The following SHANK2 variants were observed in gnomAD, a reference collection of about 807,000 sequenced individuals.
SHANK2 encodes SH3 and multiple ankyrin repeat domains protein 2.
A neutral mutation model predicts 133.7 loss-of-function variants in SHANK2; 43 were observed. The observed-to-expected ratio is 0.32, with a 90% confidence interval of 0.25 to 0.41. The LOEUF (loss-of-function observed/expected upper bound fraction) is 0.41, where lower values mean the gene tolerates loss of function less well. Among genes scored for constraint, SHANK2 ranks in the 10% least tolerant of loss-of-function variants. The pLI is 1.00. For missense variants in SHANK2, 1,994 were observed against 2,235.8 expected, an observed-to-expected ratio of 0.89 and a Z score of 2.18; for synonymous variants, 1,017 against 952.8, an observed-to-expected ratio of 1.07 and a Z score of -1.24.
At chr11:71,184,467 T>G (rs1590998169) in intron 2 of SHANK2, among the ~76,000 whole-genome samples, 1 of 152,072 alleles carries the variant, frequency 6.6e-6, no homozygotes, top group South Asian at 2.1e-4. Context: ...CGGGGCTGGG[T>G]TCACTGATGG....
chr11:70,884,730 C>CT (rs1565382829), intron 11 of SHANK2, among the ~76,000 whole-genome samples: 1 of 152,100 alleles, frequency 6.6e-6, no homozygotes, highest in African/African-American at 2.4e-5. Flanking sequence ...TCTTTTCTTT[C>CT]TTTTTTTGAG....
intron 14 of SHANK2, among the ~76,000 whole-genome samples, chr11:70,722,845 T>A (rs1011802252): frequency 6.6e-6 from 1 of 152,234 alleles, no homozygotes; most frequent in Non-Finnish European, 1.5e-5. Context: ...TTACGACTTA[T>A]GAGAAGTGGC....
At chr11:71,147,371 G>C in intron 2 of SHANK2, 33 bp from the exon 3 acceptor site, 1 of 1,510,608 alleles carries the variant, frequency 6.6e-7, no homozygotes, top group Middle Eastern at 1.7e-4. Context: ...ACAAAGAACG[G>C]GAGATGTGAA....
At chr11:70,760,082 T>C (rs1181741903) in intron 14 of SHANK2, among the ~76,000 whole-genome samples, 1 of 152,204 alleles carries the variant, frequency 6.6e-6, no homozygotes, top group Non-Finnish European at 1.5e-5. Flanking sequence ...CCTTTTGACA[T>C]ACAGAGCCTG....
At chr11:70,911,798 G>C (rs1367627844) in intron 10 of SHANK2, among the ~76,000 whole-genome samples, 3 of 152,066 alleles carry the variant, frequency 2.0e-5, no homozygotes, top group East Asian at 3.9e-4. Context: ...GAACTGGTCA[G>C]TGGCCAGGCG....
At chr11:71,062,362 C>A (rs1386039215) in intron 9 of SHANK2, among the ~76,000 whole-genome samples, 1 of 152,172 alleles carries the variant, frequency 6.6e-6, no homozygotes, top group East Asian at 1.9e-4. Flanking sequence ...GACCACAGGG[C>A]CAGGAGAATG....
chr11:71,166,487 C>CT (rs1436197363), intron 2 of SHANK2, among the ~76,000 whole-genome samples: 23 of 139,268 alleles, frequency 1.7e-4, no homozygotes, highest in East Asian at 6.4e-4. Flanking sequence ...TTTTTCTTTT[C>CT]TTTTTTTTTT....
At chr11:70,654,958 G>A (rs941150029) in intron 17 of SHANK2, among the ~76,000 whole-genome samples, 1 of 151,872 alleles carries the variant, frequency 6.6e-6, no homozygotes, top group African/African-American at 2.4e-5. Context: ...TAGTAGAGAC[G>A]GGGTTTCATC....
At chr11:70,552,833 G>A (rs962593484) in intron 17 of SHANK2, among the ~76,000 whole-genome samples, 2 of 152,088 alleles carry the variant, frequency 1.3e-5, no homozygotes, top group African/African-American at 4.8e-5. Context: ...ACCCAGTTCC[G>A]GAAGCCTCTA....
chr11:70,470,976 C>A lies in SHANK2; in HGVS notation c.*1893G>T. 3.8e-6 allele frequency: 1 copy of A among 263,770 alleles called. No homozygotes were observed. Among genetic ancestry groups the A allele is most frequent in the Non-Finnish European group, 7.1e-6 (1 of 141,716 alleles). The allele number at this position is 263,770 out of a possible 1,614,324, so 16.3% of individuals were successfully genotyped here. On this transcript the variant is annotated 3_prime_UTR_variant, in exon 26 of 26. Coordinates refer to ENST00000601538, the MANE Select transcript of SHANK2 (RefSeq NM_012309.5). ...AGCAAAGATAGAAAATATAACACAG[C>A]TCTGCTGGTTCAGATGCATCCAAAT...
chr11:70,578,502 C>T (rs1399107972), intron 17 of SHANK2, among the ~76,000 whole-genome samples: 6 of 152,194 alleles, frequency 3.9e-5, no homozygotes, highest in African/African-American at 1.2e-4. Flanking sequence ...CCCAAGAGCT[C>T]GTGGCCACGA....
At chr11:70,586,018 G>A (rs905837244) in intron 17 of SHANK2, among the ~76,000 whole-genome samples, 1 of 152,132 alleles carries the variant, frequency 6.6e-6, no homozygotes, top group Non-Finnish European at 1.5e-5. Flanking sequence ...GAAAAAGACC[G>A]ATTCAACCCT....
At chr11:70,949,532 A>G (rs532632118) in intron 10 of SHANK2, among the ~76,000 whole-genome samples, 1 of 152,226 alleles carries the variant, frequency 6.6e-6, no homozygotes, top group African/African-American at 2.4e-5. Flanking sequence ...GGCACCAGCC[A>G]TGTTTCTTCA....
At chr11:70,722,382 G>C (rs549902849) in intron 14 of SHANK2, among the ~76,000 whole-genome samples, 1 of 152,298 alleles carries the variant, frequency 6.6e-6, no homozygotes, top group South Asian at 2.1e-4. Context: ...GGACATGAAG[G>C]CTTCCTGCAG....
At chr11:70,711,671 G>A (rs984327134) in intron 14 of SHANK2, among the ~76,000 whole-genome samples, 17 of 152,234 alleles carry the variant, frequency 1.1e-4, no homozygotes, top group African/African-American at 3.6e-4. Flanking sequence ...CCACCGCGAG[G>A]GGGACAGAAG....
In SHANK2 at chr11:71,236,106, T is replaced by C. The variant is rs184150496; in HGVS notation, c.-112-11310A>G. Among the ~76,000 whole-genome samples the C allele has an allele frequency of 1.6e-3, 246 of 152,264 alleles. 2 individuals carry two copies. Among genetic ancestry groups the C allele is most frequent in the African/African-American group, 5.7e-3 (237 of 41,544 alleles). ...GTTTGTTTCAAAGGCAGGACCGGACTGAGGGTGATGTTGCTCGGGACCCGT... is the reference window on the plus strand; with the variant it reads ...GTTTGTTTCAAAGGCAGGACCGGACCGAGGGTGATGTTGCTCGGGACCCGT... On this transcript the variant is annotated intron_variant, in intron 1 of 25. Transcript: ENST00000601538.
intron 17 of SHANK2, among the ~76,000 whole-genome samples, chr11:70,648,129 G>C (rs61886379): frequency 0.054 from 8,237 of 152,278 alleles, 316 homozygotes; most frequent in South Asian, 0.12. Context: ...TAAAGCACAC[G>C]ATGCTGAAAG....
chr11:70,862,164 C>T (rs1345931447), intron 11 of SHANK2, among the ~76,000 whole-genome samples: 8 of 152,178 alleles, frequency 5.3e-5, no homozygotes, highest in African/African-American at 9.7e-5. Context: ...TGATGGCACA[C>T]CTGCCCAGTG....
rs2061490011 is a variant in SHANK2, at chr11:70,661,541, ACACACACAC to A, written c.1936+46_1936+54del. 23 of 1,247,212 alleles carry A rather than the reference ACACACACAC, an allele frequency of 1.8e-5. No homozygotes were observed. In the African/African-American group the frequency reaches 3.5e-4, roughly 19 times the overall value. The allele number at this position is 1,247,212 out of a possible 1,614,324, so 77.3% of individuals were successfully genotyped here. ...CACACACACACACACACACACACACACACACACACACACAAACATGGGAACATATTCAGG... is the reference window on the plus strand; with the variant it reads ...CACACACACACACACACACACACACAACACAAACATGGGAACATATTCAGG... On this transcript the variant is annotated intron_variant, in intron 16 of 25. Coordinates refer to ENST00000601538, the MANE Select transcript of SHANK2 (RefSeq NM_012309.5).
Sources: gnomAD v4.1 joint callset for allele counts (sites outside exome capture counted in the v4.1 genomes callset) on GRCh38, gnomAD v4.1.1 for gene constraint, MANE v1.5 for transcripts, NCBI Gene and HGNC (gene_info 2026-07-23, HGNC 2026-07-21) for gene names.